TMEM132D: variants seen among roughly 807,000 people sequenced by gnomAD.
TMEM132D encodes transmembrane protein 132D.
TMEM132D carries 21 observed loss-of-function variants against 62.3 expected under a neutral mutation model. The ratio of observed to expected loss-of-function variants is 0.34; its 90% confidence interval spans 0.24 to 0.49. TMEM132D has a LOEUF of 0.49. TMEM132D is among the 20% of genes least tolerant of loss of function. TMEM132D has a pLI of 0.99. For missense variants in TMEM132D, 1,346 were observed against 1,402.8 expected (o/e 0.96, Z 0.65); for synonymous variants, 621 against 575.6 (o/e 1.08, Z -1.13).
chr12:129,114,799 C>A (rs528933419), intron 5 of TMEM132D, among the ~76,000 whole-genome samples: 6 of 152,278 alleles, frequency 3.9e-5, no homozygotes, highest in African/African-American at 1.4e-4. Flanking sequence ...TTCCTAGTTC[C>A]TTTTACTTAA....
chr12:129,746,762 G>A (rs887373107), intron 1 of TMEM132D, among the ~76,000 whole-genome samples: 55 of 152,114 alleles, frequency 3.6e-4, no homozygotes, highest in Middle Eastern at 3.4e-3. Flanking sequence ...ACACTCCTAA[G>A]GAAGGTTTTC....
chr12:129,612,496 A>C (rs1308889705), intron 2 of TMEM132D, among the ~76,000 whole-genome samples: 1 of 152,210 alleles, frequency 6.6e-6, no homozygotes, highest in Admixed American at 6.5e-5. Flanking sequence ...TTTCTTCGAC[A>C]GGGCAATTTC....
chr12:129,559,897 C>A (rs155711), intron 2 of TMEM132D, among the ~76,000 whole-genome samples: 2 of 152,108 alleles, frequency 1.3e-5, no homozygotes, highest in African/African-American at 4.8e-5. Context: ...ATGGAGAAAA[C>A]CCCCTGGGAA....
At chr12:129,507,491 A>C (rs1367023794) in intron 3 of TMEM132D, among the ~76,000 whole-genome samples, 1 of 152,240 alleles carries the variant, frequency 6.6e-6, no homozygotes, top group Non-Finnish European at 1.5e-5. Context: ...ATGCATAAAG[A>C]AAGTGTTGCA....
intron 3 of TMEM132D, among the ~76,000 whole-genome samples, chr12:129,529,730 CATTT>C (rs1447020497): frequency 6.6e-6 from 1 of 152,188 alleles, no homozygotes; most frequent in Non-Finnish European, 1.5e-5. Context: ...TCCATCCATC[CATTT>C]GCCCATCAAT....
chr12:129,588,534 A>G (rs1340635104), intron 2 of TMEM132D, among the ~76,000 whole-genome samples: 10 of 152,106 alleles, frequency 6.6e-5, no homozygotes, highest in Admixed American at 6.5e-4. Flanking sequence ...AGGTGGATGA[A>G]AGGTGAATTG....
chr12:129,741,553 G>A (rs139192263), intron 1 of TMEM132D, among the ~76,000 whole-genome samples: 31 of 152,280 alleles, frequency 2.0e-4, no homozygotes, highest in African/African-American at 7.5e-4. Context: ...ATAAGTCAGT[G>A]CTCAACCACA....
At chr12:129,322,489 A>C (rs549477043) in intron 4 of TMEM132D, among the ~76,000 whole-genome samples, 1 of 151,900 alleles carries the variant, frequency 6.6e-6, no homozygotes, top group Non-Finnish European at 1.5e-5. Flanking sequence ...AACTGTCCAG[A>C]CACTTAATAA....
intron 2 of TMEM132D, among the ~76,000 whole-genome samples, chr12:129,559,076 A>G (rs1408490909): frequency 6.6e-6 from 1 of 152,228 alleles, no homozygotes; most frequent in Non-Finnish European, 1.5e-5. Flanking sequence ...AAAGACCATT[A>G]GAGTAATCCA....
chr12:129,713,482 G>A (rs886978836), intron 1 of TMEM132D, among the ~76,000 whole-genome samples: 1 of 152,038 alleles, frequency 6.6e-6, no homozygotes, highest in African/African-American at 2.4e-5. Flanking sequence ...TGGGAAGGAG[G>A]AGGGAAAACA....
intron 4 of TMEM132D, chr12:129,212,430 T>G (rs1266193621): frequency 1.3e-5 from 2 of 151,616 alleles, no homozygotes; most frequent in African/African-American, 4.8e-5. Flanking sequence ...AGGAGGTGAA[T>G]GGTACGGGGA....
At chr12:129,436,135 C>G (rs115912216) in intron 3 of TMEM132D, among the ~76,000 whole-genome samples, 169 of 152,272 alleles carry the variant, frequency 1.1e-3, no homozygotes, top group African/African-American at 3.9e-3. Flanking sequence ...GGATGAGAAT[C>G]TCAGCCTAAA....
At chr12:129,285,452 G>T (rs10744408) in intron 4 of TMEM132D, among the ~76,000 whole-genome samples, 2 of 147,824 alleles carry the variant, frequency 1.4e-5, no homozygotes, top group African/African-American at 2.5e-5. Flanking sequence ...GCTTGGACCC[G>T]GGAGGCAGAG....
rs751125744 is a variant in TMEM132D, at chr12:129,084,779, G to A, written c.1444-77C>T. 5 of 1,445,406 alleles carry A rather than the reference G, an allele frequency of 3.5e-6. No homozygotes were observed. In the South Asian group the frequency reaches 6.5e-5, roughly 19 times the overall value. The allele number at this position is 1,445,406 out of a possible 1,614,324, so 89.5% of individuals were successfully genotyped here. On this transcript the variant is annotated intron_variant, in intron 5 of 8. Transcript: ENST00000422113. The stretch of plus-strand genomic sequence containing the variant: ...TTGCATGGCCCAAGGAGGAGGAAAG[G>A]GAAGTGCCCTGGCTGGTGGAGGTGC...
chr12:129,834,736 C>T (rs1228704855), intron 1 of TMEM132D, among the ~76,000 whole-genome samples: 1 of 152,170 alleles, frequency 6.6e-6, no homozygotes, highest in Non-Finnish European at 1.5e-5. Context: ...ACAGAGGGCT[C>T]AGGCCAGCAC....
intron 3 of TMEM132D, among the ~76,000 whole-genome samples, chr12:129,388,832 A>G (rs1378440909): frequency 3.5e-5 from 4 of 114,814 alleles, no homozygotes; most frequent in African/African-American, 9.7e-5. Context: ...CACTAATAGC[A>G]ACACCAATAC....
At chr12:129,199,140 C>T (rs1028035124) in intron 5 of TMEM132D, among the ~76,000 whole-genome samples, 15 of 135,384 alleles carry the variant, frequency 1.1e-4, no homozygotes, top group African/African-American at 3.3e-4. Flanking sequence ...AACAGGGTCT[C>T]GCTCTGTCAT....
intron 4 of TMEM132D, among the ~76,000 whole-genome samples, chr12:129,322,145 T>C (rs1226931912): frequency 6.7e-6 from 1 of 148,822 alleles, no homozygotes; most frequent in Admixed American, 6.7e-5. Flanking sequence ...ATTGATACAA[T>C]GACCTTTTCA....
At chr12:129,247,053 C>T (rs1368570798) in intron 4 of TMEM132D, among the ~76,000 whole-genome samples, 2 of 152,154 alleles carry the variant, frequency 1.3e-5, no homozygotes, top group Non-Finnish European at 2.9e-5. Context: ...ATGTTTCTTC[C>T]TCCTTAATCA....
Sources: allele counts gnomAD v4.1 joint callset (sites outside exome capture counted in the v4.1 genomes callset), GRCh38; gene constraint gnomAD v4.1.1; transcripts MANE v1.5; gene names NCBI Gene and HGNC (gene_info 2026-07-23, HGNC 2026-07-21).